Variants in NDRG3 observed in about 807,000 individuals in gnomAD.
NDRG3 encodes the protein NDRG family member 3.
NDRG3 carries 23 observed loss-of-function variants against 57.2 expected under a neutral mutation model. That is an observed-to-expected ratio of 0.40 (90% CI 0.29 to 0.57). The LOEUF (loss-of-function observed/expected upper bound fraction) is 0.57, where lower values mean the gene tolerates loss of function less well. Ranked by LOEUF, NDRG3 falls within the 20% of genes least tolerant of loss-of-function variation. The pLI, the probability that NDRG3 is intolerant of heterozygous loss-of-function variation, is 0.42. For synonymous variants in NDRG3, 132 were observed against 162.6 expected, an observed-to-expected ratio of 0.81 and a Z score of 1.43; for missense variants, 384 against 457.3, an observed-to-expected ratio of 0.84 and a Z score of 1.46.
chr20:36,712,547 C>T (rs1404299797), intron 2 of NDRG3, among the ~76,000 whole-genome samples: 1 of 118,756 alleles, frequency 8.4e-6, no homozygotes, highest in Non-Finnish European at 1.7e-5. Flanking sequence ...TGGCATGTGC[C>T]ACCATGCCCG....
At chr20:36,666,234 C>T in intron 10 of NDRG3, 55 bp downstream of exon 10, 2 of 1,340,800 alleles carry the variant, frequency 1.5e-6, no homozygotes, top group Non-Finnish European at 2.1e-6. Context: ...TTCTCCCACC[C>T]TCCTCTTTTT....
At chr20:36,738,693 T>G (rs1278592607) in intron 1 of NDRG3, among the ~76,000 whole-genome samples, 8 of 148,018 alleles carry the variant, frequency 5.4e-5, no homozygotes, top group Non-Finnish European at 1.0e-4. Flanking sequence ...TGTGGTGGCA[T>G]GCACCTGTAA....
At chr20:36,697,377 T>C (rs978531250) in intron 3 of NDRG3, among the ~76,000 whole-genome samples, 8 of 152,302 alleles carry the variant, frequency 5.3e-5, no homozygotes, top group East Asian at 3.9e-4. Flanking sequence ...GGCAGGTTTT[T>C]TCCCCCCCAA....
chr20:36,655,254 C>A (rs1358814674), intron 15 of NDRG3, among the ~76,000 whole-genome samples: 1 of 152,198 alleles, frequency 6.6e-6, no homozygotes. Flanking sequence ...GTCTGCCTGG[C>A]AGGTACAGGG....
At chr20:36,660,623 C>T (rs930693894) in intron 12 of NDRG3, among the ~76,000 whole-genome samples, 7 of 151,130 alleles carry the variant, frequency 4.6e-5, no homozygotes, top group African/African-American at 7.3e-5. Flanking sequence ...TGCAGTGGCG[C>T]GATCTCGGCT....
chr20:36,669,760 G>A (rs1222197087), intron 9 of NDRG3, among the ~76,000 whole-genome samples: 4 of 151,308 alleles, frequency 2.6e-5, no homozygotes, highest in African/African-American at 4.9e-5. Context: ...ACCACATCCC[G>A]CTAATTTTTG....
chr20:36,696,104 G>T (rs1982763579), intron 3 of NDRG3, among the ~76,000 whole-genome samples: 2 of 151,198 alleles, frequency 1.3e-5, no homozygotes, highest in East Asian at 2.0e-4. Context: ...CTTCAACTTT[G>T]TTTTTTTTTG....
At chr20:36,670,099 A>C (rs80236786) in intron 9 of NDRG3, among the ~76,000 whole-genome samples, 2,050 of 152,272 alleles carry the variant, frequency 0.013, 30 homozygotes, top group African/African-American at 0.026. Context: ...GAGGTAACAG[A>C]ATAGTGAAAA....
intron 8 of NDRG3, among the ~76,000 whole-genome samples, chr20:36,674,087 C>A (rs559858008): frequency 3.8e-4 from 58 of 152,242 alleles, no homozygotes; most frequent in Non-Finnish European, 7.1e-4. Context: ...GCCTGGGCAA[C>A]AAGAGTGAAA....
At chr20:36,730,662 G>A (rs2425264) in intron 1 of NDRG3, among the ~76,000 whole-genome samples, 2,493 of 152,006 alleles carry the variant, frequency 0.016, 57 homozygotes, top group African/African-American at 0.057. Flanking sequence ...ATAGCACAAG[G>A]TTGGCCAGGG....
intron 1 of NDRG3, among the ~76,000 whole-genome samples, chr20:36,735,970 C>CAAA (rs576981000): frequency 3.1e-4 from 16 of 50,904 alleles, no homozygotes; most frequent in African/African-American, 7.0e-4. Context: ...GGCCCTGTCT[C>CAAA]AAAAAAAAAA....
At chr20:36,699,562 C>A (rs1416866758) in intron 3 of NDRG3, among the ~76,000 whole-genome samples, 1 of 152,134 alleles carries the variant, frequency 6.6e-6, no homozygotes, top group African/African-American at 2.4e-5. Context: ...TAGGGTCCTG[C>A]TTAAAGATTC....
At chr20:36,660,568 ATTTT>A (rs937213463) in intron 12 of NDRG3, among the ~76,000 whole-genome samples, 184 bp from the exon 13 acceptor site, 43 of 145,274 alleles carry the variant, frequency 3.0e-4, no homozygotes, top group African/African-American at 1.0e-3. Context: ...TTATTTATTT[ATTTT>A]TTTTTTGAGA....
intron 3 of NDRG3, among the ~76,000 whole-genome samples, chr20:36,690,498 C>T (rs1363862988): frequency 2.4e-4 from 29 of 118,534 alleles, no homozygotes; most frequent in African/African-American, 1.0e-3. Context: ...ATAGAGCAGA[C>T]AAAAGATGCA....
chr20:36,666,502 G>A (rs1329512378), intron 9 of NDRG3, 110 bp from the exon 10 acceptor site: 1 of 747,450 alleles, frequency 1.3e-6, no homozygotes, highest in East Asian at 2.6e-5. Context: ...CTCATGATGG[G>A]AACTGGGGCA....
chr20:36,696,700 C>T (rs1982819651), intron 3 of NDRG3, among the ~76,000 whole-genome samples: 2 of 150,900 alleles, frequency 1.3e-5, no homozygotes, highest in Admixed American at 6.6e-5. Flanking sequence ...ACCATGTTGG[C>T]CAGGATGGTC....
intron 13 of NDRG3, 94 bp from the exon 14 acceptor site, chr20:36,656,626 T>G: frequency 7.2e-7 from 1 of 1,381,742 alleles, no homozygotes; most frequent in Non-Finnish European, 1.0e-6. Context: ...CAAGATTGAA[T>G]TCTAGGTTTT....
chr20:36,699,184 G>C (rs1263196236), intron 3 of NDRG3, among the ~76,000 whole-genome samples: 4 of 152,084 alleles, frequency 2.6e-5, no homozygotes, highest in African/African-American at 9.7e-5. Context: ...CTGGCCTCAA[G>C]TGATTGTCCC....
intron 3 of NDRG3, among the ~76,000 whole-genome samples, chr20:36,703,415 T>G (rs1983362669): frequency 7.0e-6 from 1 of 143,044 alleles, no homozygotes. Flanking sequence ...TATATATATG[T>G]AATATCCTAT....
Sources: gnomAD v4.1 joint callset for allele counts (sites outside exome capture counted in the v4.1 genomes callset) on GRCh38, gnomAD v4.1.1 for gene constraint, MANE v1.5 for transcripts, NCBI Gene and HGNC (gene_info 2026-07-23, HGNC 2026-07-21) for gene names.